The following TENT5C variants were observed in gnomAD, a reference collection of about 807,000 sequenced individuals.
The protein encoded by TENT5C is family with sequence similarity 46 member C.
TENT5C carries 5 observed loss-of-function variants against 22.2 expected under a neutral mutation model. That is an observed-to-expected ratio of 0.22 (90% CI 0.12 to 0.47). The LOEUF is 0.47. TENT5C is among the 20% of genes least tolerant of loss of function. The probability of loss-of-function intolerance (pLI) is 0.99; values close to 1 mark genes in which losing one functional copy is unlikely to be tolerated. For synonymous variants in TENT5C, 199 were observed against 195.4 expected, an observed-to-expected ratio of 1.02 and a Z score of -0.15; for missense variants, 364 against 500.9, an observed-to-expected ratio of 0.73 and a Z score of 2.61.
At position 117,623,802 on chromosome 1, in the gene TENT5C, A is replaced by G; in HGVS notation, c.934A>G (p.Arg312Gly). 4 of 1,614,152 alleles carry G rather than the reference A, an allele frequency of 2.5e-6. No homozygotes were observed. The highest frequency in any genetic ancestry group is 3.4e-6 in the Non-Finnish European group (4 of 1,180,030). ...SKYDYLMILRRVVNESTVCLM... is the reference protein window; with the variant it reads ...SKYDYLMILRGVVNESTVCLM... ...GTACGACTACCTCATGATCCTTCGC[A>G]GGGTGGTGAACGAGAGCACCGTGTG... Residue 312 changes from arginine to glycine, a missense_variant, in exon 2 of 2, where the codon AGG (arginine) becomes GGG (glycine). Physicochemically the swap from Arg to Gly is moderately radical, Grantham distance 125. Around this residue, in one of 3 missense-constraint regions of TENT5C, gnomAD observed 303 missense variants for 394.5 expected, o/e 0.77. Coordinates refer to ENST00000369448, the MANE Select transcript of TENT5C (RefSeq NM_017709.4).
intron 1 of TENT5C, among the ~76,000 whole-genome samples, chr1:117,616,490 TTG>T (rs2101076196): frequency 6.6e-6 from 1 of 152,212 alleles, no homozygotes; most frequent in Admixed American, 6.5e-5. Flanking sequence ...GGGGAGGAGT[TTG>T]TGTGGAAGAT....
rs200185578 is a variant in TENT5C at position 117,623,292 on chromosome 1, C to T, written c.424C>T (p.Leu142=). ...TCTGAAGGAGGCATATGTGCAGAAG[C>T]TAGTGAAGGTTTGCACGGACACTGA... ...VTLKEAYVQK[L]VKVCTDTDRW... The change falls in exon 2 of 2, where the codon CTA becomes TTA. Residue 142 remains leucine, a synonymous_variant. Transcript: ENST00000369448. The T allele has an allele frequency of 3.1e-6, 5 of 1,614,158 alleles. No individual in the cohort carries two copies. The highest frequency in any genetic ancestry group is 4.2e-6 in the Non-Finnish European group (5 of 1,180,026).
chr1:117,620,795 A>T (rs1385092236), intron 1 of TENT5C, among the ~76,000 whole-genome samples: 1 of 152,116 alleles, frequency 6.6e-6, no homozygotes, highest in Non-Finnish European at 1.5e-5. Flanking sequence ...CTAATGCCTG[A>T]TGATCTGAGG....
chr1:117,620,098 C>G (rs1218541120), intron 1 of TENT5C, among the ~76,000 whole-genome samples: 1 of 152,114 alleles, frequency 6.6e-6, no homozygotes, highest in African/African-American at 2.4e-5. Context: ...TACTTCCCCC[C>G]ACCAAAAAAA....
chr1:117,611,129 G>A (rs1653663207), intron 1 of TENT5C, among the ~76,000 whole-genome samples: 1 of 152,190 alleles, frequency 6.6e-6, no homozygotes, highest in African/African-American at 2.4e-5. Flanking sequence ...AGTTAGAGAT[G>A]GGCATTAGGA....
intron 1 of TENT5C, among the ~76,000 whole-genome samples, chr1:117,617,117 G>C (rs547653716): frequency 1.3e-5 from 2 of 152,206 alleles, no homozygotes; most frequent in South Asian, 4.2e-4. Flanking sequence ...CGCCCACCTT[G>C]GGTTCCTCAC....
At chr1:117,622,455 C>G (rs1322780362) in intron 1 of TENT5C, among the ~76,000 whole-genome samples, 1 of 152,074 alleles carries the variant, frequency 6.6e-6, no homozygotes, top group African/African-American at 2.4e-5. Context: ...TAGGTGTCAA[C>G]CAGGTCGAGA....
chr1:117,623,056 G>A lies in TENT5C; in HGVS notation c.188G>A (p.Gly63Asp). Residue 63 changes from glycine to aspartate, a missense_variant, in exon 2 of 2, where the codon GGC (glycine) becomes GAC (aspartate). Transcript: ENST00000369448. Reference sequence around the variant, plus strand: ...GTCCGCAGTCGGCTGGAGGAGGCAGGCATCAAAGTGCACGACGTCCGGCTG... The same window carrying A: ...GTCCGCAGTCGGCTGGAGGAGGCAGACATCAAAGTGCACGACGTCCGGCTG... ...QTVRSRLEEAGIKVHDVRLNG... is the reference protein window; with the variant it reads ...QTVRSRLEEADIKVHDVRLNG... The A allele has an allele frequency of 5.0e-6, 8 of 1,614,080 alleles. No individual in the cohort carries two copies. The highest frequency in any genetic ancestry group is 2.2e-5 in the East Asian group (1 of 44,900).
intron 1 of TENT5C, among the ~76,000 whole-genome samples, chr1:117,615,427 G>A (rs1051830660): frequency 6.6e-6 from 1 of 152,252 alleles, no homozygotes; most frequent in African/African-American, 2.4e-5. Context: ...GGAGTAGGAG[G>A]AATGGTATCT....
chr1:117,622,887 T>A lies in TENT5C; in HGVS notation c.19T>A (p.Cys7Ser). ...CCTGAAGATGGCAGAGGAGAGCAGCTGTACCAGGGATTGCATGTCCTTCAG... is the reference window on the plus strand; with the variant it reads ...CCTGAAGATGGCAGAGGAGAGCAGCAGTACCAGGGATTGCATGTCCTTCAG... MAEESS[C>S]TRDCMSFSVL... Residue 7 changes from cysteine to serine, a missense_variant, in exon 2 of 2, where the codon TGT (cysteine) becomes AGT (serine). Cys to Ser is a moderately radical substitution (Grantham distance 112). This residue lies in a region of TENT5C where 303 missense variants were observed against 394.5 expected (regional missense o/e 0.77). Coordinates refer to ENST00000369448, the MANE Select transcript of TENT5C (RefSeq NM_017709.4). The A allele has an allele frequency of 6.2e-7, 1 of 1,611,150 alleles. No individual in the cohort carries two copies. The highest frequency in any genetic ancestry group is 8.5e-7 in the Non-Finnish European group (1 of 1,177,442).
At chr1:117,611,500 A>G (rs1389979535) in intron 1 of TENT5C, among the ~76,000 whole-genome samples, 1 of 152,236 alleles carries the variant, frequency 6.6e-6, no homozygotes, top group Non-Finnish European at 1.5e-5. Flanking sequence ...CAGTAAAAAT[A>G]TGAGAGACAC....
chr1:117,619,035 C>T (rs2101077606), intron 1 of TENT5C, among the ~76,000 whole-genome samples: 1 of 152,322 alleles, frequency 6.6e-6, no homozygotes, highest in East Asian at 1.9e-4. Context: ...GCATGCGTTT[C>T]TGTATTGTTT....
Position 117,624,967 on chromosome 1 carries a change from G to T in TENT5C, c.*923G>T, listed in dbSNP as rs1397547743. 2.8e-5 allele frequency: 7 copies of T among 247,692 alleles called. No homozygotes were observed. Among genetic ancestry groups the T allele is most frequent in the African/African-American group, 1.3e-4 (6 of 45,256 alleles). 15.3% of individuals were successfully genotyped at this position (247,692 alleles called of 1,614,324 possible). A position where few individuals can be genotyped will look rare whatever the true frequency, so the allele number is the denominator to read the frequency against. On this transcript the variant is annotated 3_prime_UTR_variant, in exon 2 of 2. Transcript: ENST00000369448. ...TATTCTTCCTAAGACTGAGGATTGT[G>T]CTGAGTCCAGAGTCATTGTGGTAAC...
At chr1:117,617,301 C>G (rs572350617) in intron 1 of TENT5C, among the ~76,000 whole-genome samples, 1 of 152,114 alleles carries the variant, frequency 6.6e-6, no homozygotes, top group South Asian at 2.1e-4. Flanking sequence ...GATCAGACAT[C>G]AAACTTTTTC....
intron 1 of TENT5C, among the ~76,000 whole-genome samples, chr1:117,618,844 A>G (rs1484124669): frequency 6.6e-6 from 1 of 152,228 alleles, no homozygotes; most frequent in East Asian, 1.9e-4. Context: ...CAGAGACTTT[A>G]TATGCTTGTG....
intron 1 of TENT5C, among the ~76,000 whole-genome samples, chr1:117,607,109 G>C (rs922611769): frequency 1.3e-5 from 2 of 152,158 alleles, no homozygotes; most frequent in Admixed American, 6.5e-5. Flanking sequence ...GAAGAATACA[G>C]GTTGGTAGCC....
intron 1 of TENT5C, among the ~76,000 whole-genome samples, chr1:117,616,120 C>T (rs368571820): frequency 2.6e-5 from 4 of 152,290 alleles, no homozygotes; most frequent in East Asian, 1.9e-4. Context: ...ACACTAGTCT[C>T]GCAGTTGAGG....
At position 117,628,259 on chromosome 1, in the gene TENT5C, G is replaced by A. The variant is rs1196104217; in HGVS notation, c.*4215G>A. Reference sequence around the variant, plus strand: ...GAGGTCTGGGGATTCCTCTTTCGTGGTGGTCACTAACCTTACTTGATGCAG... The same window carrying A: ...GAGGTCTGGGGATTCCTCTTTCGTGATGGTCACTAACCTTACTTGATGCAG... On this transcript the variant is annotated 3_prime_UTR_variant, in exon 2 of 2. Coordinates refer to ENST00000369448, the MANE Select transcript of TENT5C (RefSeq NM_017709.4). 1 of 247,206 alleles carries A rather than the reference G, an allele frequency of 4.0e-6. No homozygotes were observed. The highest frequency in any genetic ancestry group is 8.5e-6 in the Non-Finnish European group (1 of 117,676). The allele number at this position is 247,206 out of a possible 1,614,324, so 15.3% of individuals were successfully genotyped here.
At chr1:117,614,735 A>G (rs1653744235) in intron 1 of TENT5C, among the ~76,000 whole-genome samples, 1 of 152,110 alleles carries the variant, frequency 6.6e-6, no homozygotes, top group African/African-American at 2.4e-5. Flanking sequence ...TCCATGAGCA[A>G]AGCAGCATGC....
Sources: gnomAD v4.1 joint callset for allele counts (sites outside exome capture counted in the v4.1 genomes callset) on GRCh38, gnomAD v4.1.1 for gene constraint, gnomAD v4.1.1 regional missense constraint, MANE v1.5 for transcripts, NCBI Gene and HGNC (gene_info 2026-07-23, HGNC 2026-07-21) for gene names.